ANXA8: variants seen among roughly 807,000 people sequenced by gnomAD.
The protein encoded by ANXA8 is annexin A8.
A neutral mutation model predicts 26.8 loss-of-function variants in ANXA8; 9 were observed. That is an observed-to-expected ratio of 0.34 (90% CI 0.20 to 0.59). The LOEUF (loss-of-function observed/expected upper bound fraction) is 0.59. Ranked by LOEUF, ANXA8 falls within the 20% of genes least tolerant of loss-of-function variation. ANXA8 has a pLI of 0.84. For synonymous variants in ANXA8, 39 were observed against 94.8 expected, an observed-to-expected ratio of 0.41 and a Z score of 3.42; for missense variants, 83 against 238.5, an observed-to-expected ratio of 0.35 and a Z score of 4.29.
the ANXA8 span, among the ~76,000 whole-genome samples, chr10:47,957,520 G>A: frequency 3.3e-5 from 5 of 150,390 alleles, no homozygotes; most frequent in Non-Finnish European, 7.4e-5. Context: ...AGAGCGCTCT[G>A]GGAGTCCTTA....
At chr10:47,599,911 A>C in the ANXA8 span, 1 of 150,264 alleles carries the variant, frequency 6.7e-6, no homozygotes, top group Middle Eastern at 3.2e-3. Flanking sequence ...GGCCTTGGCC[A>C]CGCGGCCGTC....
the ANXA8 span, among the ~76,000 whole-genome samples, chr10:47,738,872 G>T: frequency 6.6e-6 from 1 of 150,448 alleles, no homozygotes; most frequent in Non-Finnish European, 1.5e-5. Flanking sequence ...CCATCAGCCA[G>T]TTTTTTTGTT....
the ANXA8 span, among the ~76,000 whole-genome samples, chr10:47,650,150 G>A: frequency 6.7e-6 from 1 of 148,440 alleles, no homozygotes; most frequent in African/African-American, 2.5e-5. Context: ...GGAGGTTGTA[G>A]TGAGCTGAGA....
the ANXA8 span, among the ~76,000 whole-genome samples, chr10:47,742,796 C>A: frequency 1.6e-5 from 2 of 128,714 alleles, no homozygotes; most frequent in Admixed American, 1.6e-4. Context: ...GAAGTACATA[C>A]CATGTGAACT....
At chr10:47,586,363 ATCC>A in the ANXA8 span, among the ~76,000 whole-genome samples, 2 of 144,974 alleles carry the variant, frequency 1.4e-5, no homozygotes, top group South Asian at 2.1e-4. Flanking sequence ...GCTAACCCCC[ATCC>A]TCCTCCTTGA....
chr10:47,625,862 G>C, the ANXA8 span, among the ~76,000 whole-genome samples: 1 of 150,794 alleles, frequency 6.6e-6, no homozygotes, highest in South Asian at 2.1e-4. Flanking sequence ...TCTTTTGACC[G>C]ACATCTCTGC....
chr10:47,653,672 G>A, the ANXA8 span, among the ~76,000 whole-genome samples: 4 of 149,400 alleles, frequency 2.7e-5, no homozygotes, highest in Admixed American at 6.6e-5. Flanking sequence ...TTGAGACAGA[G>A]TCTCGCTCTG....
chr10:47,955,562 T>C, the ANXA8 span, among the ~76,000 whole-genome samples: 2 of 149,820 alleles, frequency 1.3e-5, no homozygotes, highest in Non-Finnish European at 3.0e-5. Flanking sequence ...GTAATATTTG[T>C]ATATCCAAAC....
the ANXA8 span, among the ~76,000 whole-genome samples, chr10:47,702,668 C>G: frequency 6.6e-6 from 1 of 151,746 alleles, no homozygotes; most frequent in Admixed American, 6.6e-5. Context: ...GGGTCTGGCT[C>G]TGTTGCCCAG....
chr10:47,958,929 G>T, the ANXA8 span, among the ~76,000 whole-genome samples: 3 of 150,248 alleles, frequency 2.0e-5, no homozygotes, highest in African/African-American at 7.5e-5. Flanking sequence ...AACACGTAGG[G>T]ATTATGGGGA....
chr10:47,626,142 A>G, the ANXA8 span, among the ~76,000 whole-genome samples: 3 of 150,306 alleles, frequency 2.0e-5, 1 homozygote, highest in African/African-American at 5.0e-5. Context: ...AAATTGAAAC[A>G]TAACAGCTTA....
At chr10:47,777,659 C>T in the ANXA8 span, among the ~76,000 whole-genome samples, 54 of 152,336 alleles carry the variant, frequency 3.5e-4, no homozygotes, top group African/African-American at 1.2e-3. Flanking sequence ...TGGATGACAG[C>T]GCCTCTCTCC....
chr10:47,650,191 G>A, the ANXA8 span, among the ~76,000 whole-genome samples: 2 of 146,440 alleles, frequency 1.4e-5, no homozygotes, highest in Admixed American at 1.3e-4. Flanking sequence ...CTGGTTGACA[G>A]GGCAAGTCTG....
At chr10:47,905,596 T>C in the ANXA8 span, among the ~76,000 whole-genome samples, 101 of 150,062 alleles carry the variant, frequency 6.7e-4, no homozygotes, top group African/African-American at 2.4e-3. Context: ...ATTAAGAATC[T>C]TCAAAGGTAG....
chr10:47,991,770 C>G, the ANXA8 span: 7,176 of 1,609,354 alleles, frequency 4.5e-3, 170 homozygotes, highest in African/African-American at 0.081. Flanking sequence ...TGGGACTCCA[C>G]ATGTCTGGCT....
chr10:47,506,735 G>C, the ANXA8 span, among the ~76,000 whole-genome samples: 1 of 145,194 alleles, frequency 6.9e-6, no homozygotes, highest in African/African-American at 2.5e-5. Flanking sequence ...CGCCTCCCAA[G>C]TTCAAGCGGT....
At chr10:47,575,294 A>T in the ANXA8 span, among the ~76,000 whole-genome samples, 1 of 112,600 alleles carries the variant, frequency 8.9e-6, no homozygotes, top group Non-Finnish European at 1.9e-5. Context: ...AAATCTGTGG[A>T]TATTGTACAA....
chr10:47,506,574 C>T, the ANXA8 span, among the ~76,000 whole-genome samples: 1 of 142,526 alleles, frequency 7.0e-6, no homozygotes, highest in African/African-American at 2.5e-5. Context: ...AAGTGATCCA[C>T]CCACCTTGGC....
chr10:47,953,110 C>T, the ANXA8 span, among the ~76,000 whole-genome samples: 4 of 150,278 alleles, frequency 2.7e-5, no homozygotes, highest in Non-Finnish European at 5.9e-5. Context: ...GATAAATGGG[C>T]CTTATTGAAA....
Sources: gnomAD v4.1 joint callset for allele counts (sites outside exome capture counted in the v4.1 genomes callset) on GRCh38, gnomAD v4.1.1 for gene constraint, MANE v1.5 for transcripts, NCBI Gene and HGNC (gene_info 2026-07-23, HGNC 2026-07-21) for gene names.